DPYSL2: variants seen among roughly 807,000 people sequenced by gnomAD.
The protein encoded by DPYSL2 is dihydropyrimidinase like 2.
Under a neutral mutation model 69.9 loss-of-function variants are expected in DPYSL2, and 13 were observed. The observed-to-expected ratio is 0.19, with a 90% CI of 0.12 to 0.30. DPYSL2 has a LOEUF of 0.30. Ranked by LOEUF, DPYSL2 falls within the 10% of genes least tolerant of loss-of-function variation. The pLI is 1.00. For missense variants in DPYSL2, 587 were observed against 918.9 expected (o/e 0.64, Z 4.67); for synonymous variants, 326 against 359.1 (o/e 0.91, Z 1.04).
At chr8:26,635,221 C>T (rs768977736) in intron 8 of DPYSL2, among the ~76,000 whole-genome samples, 3 of 152,236 alleles carry the variant, frequency 2.0e-5, no homozygotes, top group East Asian at 1.9e-4. Context: ...ACACAGATTA[C>T]GTCAGTTTCC....
intron 1 of DPYSL2, among the ~76,000 whole-genome samples, chr8:26,559,162 C>T (rs558889287): frequency 9.2e-5 from 14 of 152,198 alleles, no homozygotes; most frequent in African/African-American, 2.2e-4. Context: ...AGGCTGGTCT[C>T]GAACTCCTGA....
chr8:26,636,190 T>C (rs1011329913), intron 8 of DPYSL2, among the ~76,000 whole-genome samples: 2 of 152,246 alleles, frequency 1.3e-5, no homozygotes, highest in African/African-American at 4.8e-5. Flanking sequence ...CCTAAAATAA[T>C]GTAACCTACT....
At chr8:26,629,563 C>G (rs1802695177) in intron 7 of DPYSL2, among the ~76,000 whole-genome samples, 1 of 152,156 alleles carries the variant, frequency 6.6e-6, no homozygotes, top group South Asian at 2.1e-4. Context: ...CTCATGCGTG[C>G]TAAAGGCTGA....
In DPYSL2 at chr8:26,624,258, G is replaced by C. The variant is rs1268122212; in HGVS notation, c.744G>C (p.Glu248Asp). The change falls in exon 4 of 14, where the codon GAG becomes GAC. Residue 248 changes from glutamate to aspartate, a missense_variant. By Grantham distance (45) the Glu-to-Asp change is conservative. This residue lies in a region of DPYSL2 where 452 missense variants were observed against 754.3 expected (regional missense o/e 0.60). Coordinates refer to ENST00000521913, the MANE Select transcript of DPYSL2 (RefSeq NM_001197293.3). The surrounding 1 kb of genome is among the most constrained non-coding windows in gnomAD (Gnocchi z 4.7). ...ACTCTCTGCATGTGGACATCAGTGA[G>C]TGGCATAAGGGCATCCAGGAGGAGA... is the stretch of plus-strand genomic sequence containing the variant. ...CDYSLHVDIS[E>D]WHKGIQEEME... 6.2e-7 allele frequency: 1 copy of C among 1,614,216 alleles called. No homozygotes were observed. The highest frequency in any genetic ancestry group is 1.7e-5 in the Admixed American group (1 of 60,032).
chr8:26,552,067 G>A (rs1458381997), intron 1 of DPYSL2, among the ~76,000 whole-genome samples: 1 of 152,098 alleles, frequency 6.6e-6, no homozygotes, highest in African/African-American at 2.4e-5. Context: ...TCCTGTCTCA[G>A]CCTCCCAAAA....
rs1802178946 is a variant in DPYSL2 at position 26,609,399 on chromosome 8, A to G, written c.629-14744A>G. Among the ~76,000 whole-genome samples, 1 of 152,156 alleles carries G rather than the reference A, an allele frequency of 6.6e-6. No homozygotes were observed. Among genetic ancestry groups the G allele is most frequent in the South Asian group, 2.1e-4 (1 of 4,824 alleles). On this transcript the variant is annotated intron_variant, in intron 3 of 13. Coordinates refer to ENST00000521913, the MANE Select transcript of DPYSL2 (RefSeq NM_001197293.3). This position sits in a 1 kb window ranked among gnomAD's most constrained non-coding sequence, Gnocchi z 6.5. ...GTAGATGTTCTTCTGTGGGGGCTGC[A>G]AGTCCTTAAGTTATAGTTGGATTCC...
rs1430952072 is a variant in DPYSL2 at position 26,565,926 on chromosome 8, T to G, written c.355-16043T>G. On this transcript the variant is annotated intron_variant, in intron 1 of 13. Coordinates refer to ENST00000521913, the MANE Select transcript of DPYSL2 (RefSeq NM_001197293.3). The surrounding 1 kb of genome is among the most constrained non-coding windows in gnomAD (Gnocchi z 4.1). ...GAGGGAATTGTCTATGTCCTAGGCC[T>G]TGAAGAGATGCACTGCGTTGGCTAG... Among the ~76,000 whole-genome samples the G allele has an allele frequency of 1.3e-5, 2 of 152,180 alleles. No homozygotes were observed. Among genetic ancestry groups the G allele is most frequent in the Non-Finnish European group, 2.9e-5 (2 of 68,034 alleles).
chr8:26,603,312 A>G (rs1415672495), intron 3 of DPYSL2, among the ~76,000 whole-genome samples: 3 of 152,022 alleles, frequency 2.0e-5, no homozygotes, highest in Admixed American at 2.0e-4. Flanking sequence ...AGCTGAGACT[A>G]CAGGTGTCCA....
At chr8:26,555,833 G>A (rs980289356) in intron 1 of DPYSL2, among the ~76,000 whole-genome samples, 22 of 149,348 alleles carry the variant, frequency 1.5e-4, no homozygotes, top group African/African-American at 5.4e-4. Context: ...GTTGCAGTGA[G>A]CCATGATTGT....
intron 1 of DPYSL2, among the ~76,000 whole-genome samples, chr8:26,546,375 CCA>C (rs1800768307): frequency 6.6e-6 from 1 of 152,110 alleles, no homozygotes; most frequent in African/African-American, 2.4e-5. Context: ...CTTATCAGTT[CCA>C]GTTTTTTTGT....
chr8:26,537,635 A>ACACACACACACAC (rs1242479473), intron 1 of DPYSL2, among the ~76,000 whole-genome samples: 2 of 24,516 alleles, frequency 8.2e-5, no homozygotes, highest in Non-Finnish European at 1.4e-4. Context: ...CACACACACA[A>ACACACACACACAC]CTGTATATTT....
chr8:26,623,369 TG>T (rs1563414209), intron 3 of DPYSL2, among the ~76,000 whole-genome samples: 2 of 152,220 alleles, frequency 1.3e-5, no homozygotes, highest in African/African-American at 2.4e-5. Flanking sequence ...ATAAGATTGA[TG>T]GATATGCTAT....
At chr8:26,527,524 G>T (rs1187755867) in intron 1 of DPYSL2, among the ~76,000 whole-genome samples, 5 of 152,032 alleles carry the variant, frequency 3.3e-5, no homozygotes, top group Non-Finnish European at 1.5e-5. Context: ...AACATACATT[G>T]GTCATTTCAA....
Position 26,630,142 on chromosome 8 carries a change from G to A in DPYSL2, c.1005+2202G>A, listed in dbSNP as rs535427147. ...TGTACAAGCACAGACACGCATAGGT[G>A]TACACACACATTTTCACACACACAT... is the stretch of plus-strand genomic sequence containing the variant. On this transcript the variant is annotated intron_variant, in intron 7 of 13. Transcript: ENST00000521913. 2.3e-4 allele frequency among the ~76,000 whole-genome samples: 35 copies of A among 152,312 alleles called. No individual in the cohort carries two copies. In the South Asian group the frequency reaches 2.7e-3, roughly 12 times the overall value.
intron 1 of DPYSL2, among the ~76,000 whole-genome samples, chr8:26,515,394 A>G (rs187095923): frequency 5.9e-5 from 9 of 152,314 alleles, no homozygotes; most frequent in Non-Finnish European, 1.3e-4. Flanking sequence ...CCAAACCGCT[A>G]TGTGGGAGGC....
intron 3 of DPYSL2, among the ~76,000 whole-genome samples, chr8:26,615,659 C>T (rs1802329579): frequency 6.6e-6 from 1 of 152,092 alleles, no homozygotes; most frequent in Admixed American, 6.6e-5. Context: ...CAGAAGAAAA[C>T]ACAGATGGCA....
chr8:26,544,202 G>A lies in DPYSL2; in HGVS notation c.354+29523G>A, dbSNP rs1008289947. ...AAATCAGGACTTGCTTGTCCTTTAT[G>A]TATGGTATAAACATAGCCAAGTAAA... is the stretch of plus-strand genomic sequence containing the variant. On this transcript the variant is annotated intron_variant, in intron 1 of 13. Transcript: ENST00000521913. 2.0e-5 allele frequency among the ~76,000 whole-genome samples: 3 copies of A among 152,140 alleles called. No homozygotes were observed. The East Asian group carries it at 5.8e-4, about 29-fold the overall frequency.
Position 26,620,932 on chromosome 8 carries a change from CTACATACACATATTT to C in DPYSL2, c.629-3197_629-3183del, listed in dbSNP as rs1218828044. On this transcript the variant is annotated intron_variant, in intron 3 of 13. Transcript: ENST00000521913. The surrounding 1 kb of genome is among the most constrained non-coding windows in gnomAD (Gnocchi z 4.5). ...CATATGTACACACTTGCATCCACATCTACATACACATATTTTACATACACATATACACATATAAAT... is the reference window on the plus strand; with the variant it reads ...CATATGTACACACTTGCATCCACATCTACATACACATATACACATATAAAT... Among the ~76,000 whole-genome samples, 1 of 152,186 alleles carries C rather than the reference CTACATACACATATTT, an allele frequency of 6.6e-6. No individual in the cohort carries two copies. The highest frequency in any genetic ancestry group is 2.4e-5 in the African/African-American group (1 of 41,452).
At chr8:26,601,591 A>G (rs893482162) in intron 3 of DPYSL2, among the ~76,000 whole-genome samples, 2 of 151,948 alleles carry the variant, frequency 1.3e-5, no homozygotes, top group Non-Finnish European at 2.9e-5. Context: ...TTTAGCCAGG[A>G]TGGTCTCCAT....
Sources: gnomAD v4.1 joint callset for allele counts (sites outside exome capture counted in the v4.1 genomes callset) on GRCh38, gnomAD v4.1.1 for gene constraint, gnomAD v4.1.1 regional missense constraint, Gnocchi (gnomAD v3.1) non-coding constraint, MANE v1.5 for transcripts, NCBI Gene and HGNC (gene_info 2026-07-23, HGNC 2026-07-21) for gene names.